Variants in CCDC88C observed in about 807,000 individuals in gnomAD.
The protein encoded by CCDC88C is protein Daple.
In CCDC88C, 131 loss-of-function variants were observed where a neutral mutation model predicts 198.8. The ratio of observed to expected loss-of-function variants is 0.66; its 90% CI spans 0.57 to 0.76. The LOEUF is 0.76. CCDC88C is among the 30% of genes least tolerant of loss of function. The pLI, the probability that CCDC88C is intolerant of heterozygous loss-of-function variation, is 0.00. For synonymous variants in CCDC88C, 1,166 were observed against 1,114.7 expected (o/e 1.05, Z -0.92); for missense variants, 2,553 against 2,631.6 (o/e 0.97, Z 0.65).
rs567498211 is a variant in CCDC88C, at chr14:91,400,029, C to T, written c.270+8630G>A. 5.3e-5 allele frequency among the ~76,000 whole-genome samples: 8 copies of T among 152,094 alleles called. No individual in the cohort carries two copies. The South Asian group carries it at 1.3e-3, about 24-fold the overall frequency. ...TTCCCTGCCAGTCAACCCCACCAGC[C>T]GCAGGCAGACATTTCCCCCGAGAAA... On this transcript the variant is annotated intron_variant, in intron 3 of 29. Transcript: ENST00000389857.
intron 24 of CCDC88C, among the ~76,000 whole-genome samples, chr14:91,290,139 G>A (rs1043760435): frequency 6.6e-6 from 1 of 152,214 alleles, no homozygotes; most frequent in Non-Finnish European, 1.5e-5. Flanking sequence ...GGGCGTGGTG[G>A]CACATGCCTG....
chr14:91,300,180 G>A, intron 20 of CCDC88C, 110 bp from the exon 21 acceptor site: 1 of 1,446,020 alleles, frequency 6.9e-7, no homozygotes, highest in Non-Finnish European at 9.3e-7. Context: ...GGATTCCTCT[G>A]GAGAGTCTCT....
chr14:91,396,227 C>T (rs546158978), intron 3 of CCDC88C, among the ~76,000 whole-genome samples: 4 of 152,328 alleles, frequency 2.6e-5, no homozygotes, highest in East Asian at 3.9e-4. Context: ...CCTGCCTGGG[C>T]AAGTTCTTCT....
intron 25 of CCDC88C, among the ~76,000 whole-genome samples, chr14:91,286,689 G>A (rs7143715): frequency 3.9e-5 from 6 of 152,158 alleles, no homozygotes; most frequent in Non-Finnish European, 5.9e-5. Context: ...CAAGGCTGGT[G>A]TCCTTGTGGC....
chr14:91,371,488 G>A lies in CCDC88C; in HGVS notation c.271-11777C>T, dbSNP rs537011078. On this transcript the variant is annotated intron_variant, in intron 3 of 29. Coordinates refer to ENST00000389857, the MANE Select transcript of CCDC88C (RefSeq NM_001080414.4). The surrounding 1 kb of genome is among the most constrained non-coding windows in gnomAD (Gnocchi z 4.2). ...CTCACCCGCCGGTGGCAGGAGTACA[G>A]AGGCCGGCGGTGGCAGGAGTACAGC... 1.2e-3 allele frequency among the ~76,000 whole-genome samples: 186 copies of A among 152,008 alleles called. No homozygotes were observed. Among genetic ancestry groups the A allele is most frequent in the Non-Finnish European group, 2.2e-3 (152 of 67,978 alleles).
chr14:91,342,979 G>C (rs1435520663), intron 5 of CCDC88C, among the ~76,000 whole-genome samples: 1 of 152,200 alleles, frequency 6.6e-6, no homozygotes, highest in Non-Finnish European at 1.5e-5. Flanking sequence ...TTATTTGAGA[G>C]AGGGTCTCGC....
chr14:91,390,813 C>G (rs11160004), intron 3 of CCDC88C, among the ~76,000 whole-genome samples: 25,876 of 152,216 alleles, frequency 0.17, 2,778 homozygotes, highest in Non-Finnish European at 0.25. Flanking sequence ...TTTACCTGGT[C>G]TCCCATCACC....
intron 3 of CCDC88C, among the ~76,000 whole-genome samples, chr14:91,396,678 C>T (rs973332544): frequency 6.6e-6 from 1 of 152,218 alleles, no homozygotes; most frequent in African/African-American, 2.4e-5. Context: ...CAGGGGATCA[C>T]TCAGCTTCCA....
At chr14:91,393,379 G>C (rs1230848101) in intron 3 of CCDC88C, among the ~76,000 whole-genome samples, 1 of 152,202 alleles carries the variant, frequency 6.6e-6, no homozygotes, top group East Asian at 1.9e-4. Flanking sequence ...AGATGAGGCA[G>C]AGGCAACCTG....
At chr14:91,286,780 A>G (rs1890426287) in intron 25 of CCDC88C, among the ~76,000 whole-genome samples, 1 of 152,224 alleles carries the variant, frequency 6.6e-6, no homozygotes, top group Non-Finnish European at 1.5e-5. Context: ...AGTTAAGTGC[A>G]TGCAGTTAAG....
At chr14:91,342,786 CG>C (rs1452659829) in intron 5 of CCDC88C, among the ~76,000 whole-genome samples, 1 of 152,164 alleles carries the variant, frequency 6.6e-6, no homozygotes, top group East Asian at 1.9e-4. Flanking sequence ...TACAGAAAGA[CG>C]GGGGACACCT....
At position 91,297,407 on chromosome 14, in the gene CCDC88C, G is replaced by A. The variant is rs373096316; in HGVS notation, c.3864C>T (p.Asn1288=). ...GCCAGCGGTTGAGCTCCAGCTGCGCGTTGTTCAGTGAGGTTTTCAGCTCCT... is the reference window on the plus strand; with the variant it reads ...GCCAGCGGTTGAGCTCCAGCTGCGCATTGTTCAGTGAGGTTTTCAGCTCCT... The part of the protein sequence containing the change: ...HTKELKTSLN[N]AQLELNRWQA... Residue 1288 remains asparagine, a synonymous_variant, in exon 22 of 30, where the codon AAC becomes AAT. Transcript: ENST00000389857. 104 of 1,611,028 alleles carry A rather than the reference G, an allele frequency of 6.5e-5. 2 individuals are homozygous for A. In the South Asian group the frequency reaches 8.3e-4, roughly 13 times the overall value.
In CCDC88C at chr14:91,338,473, C is replaced by T; in HGVS notation, c.891+16G>A. The T allele has an allele frequency of 1.3e-6, 2 of 1,555,608 alleles. No homozygotes were observed. Among genetic ancestry groups the T allele is most frequent in the Non-Finnish European group, 1.7e-6 (2 of 1,149,100 alleles). On this transcript the variant is annotated intron_variant, in intron 9 of 29. Transcript: ENST00000389857. The surrounding 1 kb of genome is among the most constrained non-coding windows in gnomAD (Gnocchi z 4.8). The stretch of plus-strand genomic sequence containing the variant: ...CTGCTACCCCCAGGACACACAGGCT[C>T]AGGCCCCCGACTCACCTCCTGCTTA...
chr14:91,406,987 G>A (rs1167689393), intron 3 of CCDC88C, among the ~76,000 whole-genome samples: 2 of 152,102 alleles, frequency 1.3e-5, no homozygotes, highest in African/African-American at 4.8e-5. Flanking sequence ...CTTCCCAGAT[G>A]CAATGTCCAG....
chr14:91,300,829 C>A (rs901279584), intron 20 of CCDC88C, among the ~76,000 whole-genome samples: 2 of 152,210 alleles, frequency 1.3e-5, no homozygotes, highest in East Asian at 3.8e-4. Flanking sequence ...CCTGTTTCAA[C>A]CTCGTGTGTT....
chr14:91,327,398 G>A (rs1032675552), intron 10 of CCDC88C, among the ~76,000 whole-genome samples: 69 of 152,264 alleles, frequency 4.5e-4, no homozygotes, highest in African/African-American at 1.6e-3. Context: ...CCCTCCTCTC[G>A]CTGCCTGTGC....
At chr14:91,294,766 T>C (rs1345698902) in intron 22 of CCDC88C, among the ~76,000 whole-genome samples, 18 of 152,228 alleles carry the variant, frequency 1.2e-4, no homozygotes, top group Admixed American at 1.2e-3. Flanking sequence ...GCGACTCTCC[T>C]GCCTCAGCCT....
rs190144194 is a variant in CCDC88C, at chr14:91,295,687, C to T, written c.3967-1369G>A. On this transcript the variant is annotated intron_variant, in intron 22 of 29. Transcript: ENST00000389857. The stretch of plus-strand genomic sequence containing the variant: ...CTGGAGAGAGGCGGGTTAGGAGGAG[C>T]GGCGAGCACGGCTCCGAGCACAGCC... Among the ~76,000 whole-genome samples the T allele has an allele frequency of 3.4e-3, 511 of 152,246 alleles. 5 individuals are homozygous for T. The highest frequency in any genetic ancestry group is 0.012 in the African/African-American group (487 of 41,540).
At chr14:91,280,404 T>C (rs1890150477) in intron 27 of CCDC88C, among the ~76,000 whole-genome samples, 1 of 152,152 alleles carries the variant, frequency 6.6e-6, no homozygotes, top group Non-Finnish European at 1.5e-5. Flanking sequence ...GCCAAAAACA[T>C]ACTTGGTGAT....
Sources: gnomAD v4.1 joint callset for allele counts (sites outside exome capture counted in the v4.1 genomes callset) on GRCh38, gnomAD v4.1.1 for gene constraint, Gnocchi (gnomAD v3.1) non-coding constraint, MANE v1.5 for transcripts, NCBI Gene and HGNC (gene_info 2026-07-23, HGNC 2026-07-21) for gene names.